Variants in CCNB3 observed in about 807,000 individuals in gnomAD.
CCNB3 encodes G2/mitotic-specific cyclin-B3.
In CCNB3, 12 loss-of-function variants were observed where a neutral mutation model predicts 68.0. That is an observed-to-expected ratio of 0.18 (90% CI 0.11 to 0.29). CCNB3 has a LOEUF of 0.29. CCNB3 is among the 10% of genes least tolerant of loss of function. The pLI is 1.00. For synonymous variants in CCNB3, 354 were observed against 388.9 expected (o/e 0.91, Z 1.06); for missense variants, 904 against 993.1 (o/e 0.91, Z 1.21).
intron 8 of CCNB3, among the ~76,000 whole-genome samples, chrX:50,332,280 C>G (rs1417240590): frequency 3.6e-5 from 4 of 111,464 alleles, no homozygotes; most frequent in Non-Finnish European, 1.9e-5. Flanking sequence ...GGGGTCATAA[C>G]ACACATCTGG....
At chrX:50,207,409 CA>C (rs1485314006) in intron 1 of CCNB3, among the ~76,000 whole-genome samples, 2 of 112,177 alleles carry the variant, frequency 1.8e-5, no homozygotes, top group African/African-American at 6.5e-5. Flanking sequence ...TTTATCTTTC[CA>C]AAAACAGGAC....
chrX:50,347,705 A>C lies in CCNB3; in HGVS notation c.3890A>C (p.Gln1297Pro), dbSNP rs1923474919. 1 of 1,211,306 alleles carries C rather than the reference A, an allele frequency of 8.3e-7. No individual in the cohort carries two copies. The highest frequency in any genetic ancestry group is 3.0e-5 in the East Asian group (1 of 33,837). Residue 1297 changes from glutamine to proline, a missense_variant, in exon 11 of 13, where the codon CAG becomes CCG. Physicochemically the swap from Gln to Pro is moderately conservative, Grantham distance 76. Transcript: ENST00000376042. ...EMTLQEYHYV[Q>P]EKASKLAAAS... ...ACCCTGCAGGAATACCACTATGTCC[A>C]GGAGAAGGCTTCCAAGCTAGCTGCT...
At chrX:50,218,986 T>C (rs933288033) in intron 1 of CCNB3, among the ~76,000 whole-genome samples, 105 of 112,042 alleles carry the variant, frequency 9.4e-4, no homozygotes, top group African/African-American at 3.3e-3. Context: ...TGAGATGGTA[T>C]CTCATTGCGG....
At chrX:50,313,757 C>A in intron 7 of CCNB3, 99 bp from the exon 8 acceptor site, 1 of 584,083 alleles carries the variant, frequency 1.7e-6, no homozygotes, top group Non-Finnish European at 2.7e-6. Context: ...CAGTTGAAAA[C>A]AAGGAGTTAG....
chrX:50,335,780 C>T (rs1179459646), intron 8 of CCNB3, among the ~76,000 whole-genome samples: 1 of 111,658 alleles, frequency 9.0e-6, no homozygotes, highest in East Asian at 2.8e-4. Flanking sequence ...ACTCCTGTTT[C>T]TGGTAAGTTT....
chrX:50,216,594 T>G (rs1935577228), intron 1 of CCNB3, among the ~76,000 whole-genome samples: 1 of 112,097 alleles, frequency 8.9e-6, no homozygotes, highest in Non-Finnish European at 1.9e-5. Context: ...AAATTCACTT[T>G]GCCAATATCT....
At chrX:50,292,866 GT>G (rs1171596509) in intron 4 of CCNB3, among the ~76,000 whole-genome samples, 2 of 111,172 alleles carry the variant, frequency 1.8e-5, no homozygotes, top group African/African-American at 6.6e-5. Context: ...CTCATCTTAT[GT>G]CTCCTTTGTC....
chrX:50,282,136 A>G lies in CCNB3; in HGVS notation c.-112-2406A>G, dbSNP rs190015200. 2.7e-5 allele frequency among the ~76,000 whole-genome samples: 3 copies of G among 111,687 alleles called. No homozygotes were observed. In the East Asian group the frequency reaches 8.4e-4, roughly 31 times the overall value. ...TAAATTGCTAACAAATTTCCAGGTG[A>G]TGCTAATGTTGCTTGTCCATTGACC... is the stretch of plus-strand genomic sequence containing the variant. On this transcript the variant is annotated intron_variant, in intron 1 of 12. Coordinates refer to ENST00000376042, the MANE Select transcript of CCNB3 (RefSeq NM_033031.3).
rs1921360317 is a variant in CCNB3 at position 50,310,391 on chromosome X, C to T, written c.2222C>T (p.Thr741Ile). ...LKEELSAEAA[T>I]NIQTQLSLKK... is the part of the protein sequence containing the mutation. ...GAGGAGCTTTCTGCTGAGGCAGCCA[C>T]AAACATACAGACACAATTATCTTTA... The change falls in exon 6 of 13, where the codon ACA (threonine) becomes ATA (isoleucine). Residue 741 changes from threonine (T) to isoleucine (I), a missense_variant. Physicochemically the swap from Thr to Ile is moderately conservative, Grantham distance 89. This residue lies in a region of CCNB3 where 619 missense variants were observed against 609.8 expected (regional missense o/e 1.02). Coordinates refer to ENST00000376042, the MANE Select transcript of CCNB3 (RefSeq NM_033031.3). 1.7e-6 allele frequency: 2 copies of T among 1,210,242 alleles called. No homozygotes were observed. Among genetic ancestry groups the T allele is most frequent in the Admixed American group, 2.2e-5 (1 of 45,849 alleles).
chrX:50,319,932 C>T (rs950050588), intron 8 of CCNB3, among the ~76,000 whole-genome samples: 15 of 110,675 alleles, frequency 1.4e-4, no homozygotes, highest in African/African-American at 4.6e-4. Context: ...ATGGGAGCAA[C>T]GTTATTTTTA....
intron 11 of CCNB3, among the ~76,000 whole-genome samples, chrX:50,350,389 C>A (rs1488966784): frequency 1.8e-5 from 2 of 111,864 alleles, no homozygotes; most frequent in Non-Finnish European, 3.8e-5. Flanking sequence ...GTTAGGGGAA[C>A]TGAAATTTGA....
chrX:50,314,422 A>G (rs1409619353), intron 8 of CCNB3, among the ~76,000 whole-genome samples: 5 of 111,619 alleles, frequency 4.5e-5, no homozygotes, highest in South Asian at 3.8e-4. Flanking sequence ...ATTATTTTAT[A>G]CTAAGATAGG....
At chrX:50,301,994 T>A (rs1426826364) in intron 5 of CCNB3, among the ~76,000 whole-genome samples, 2 of 112,627 alleles carry the variant, frequency 1.8e-5, no homozygotes, top group East Asian at 2.8e-4. Context: ...AGCGCAGTAT[T>A]AGGGTGGGAG....
chrX:50,221,012 G>A (rs923694613), intron 1 of CCNB3, among the ~76,000 whole-genome samples: 17 of 111,387 alleles, frequency 1.5e-4, no homozygotes, highest in East Asian at 2.8e-4. Flanking sequence ...GAGGGTGTAC[G>A]TGTCCAGGAA....
chrX:50,218,729 C>G (rs962259731), intron 1 of CCNB3, among the ~76,000 whole-genome samples: 4 of 112,017 alleles, frequency 3.6e-5, no homozygotes, highest in African/African-American at 6.5e-5. Flanking sequence ...GTGAATAGTG[C>G]TGCAATAAAC....
chrX:50,226,510 A>G (rs1426585046), intron 1 of CCNB3, among the ~76,000 whole-genome samples: 1 of 56,258 alleles, frequency 1.8e-5, no homozygotes, highest in South Asian at 9.7e-4. Context: ...ATATATATAT[A>G]GAATATATAG....
chrX:50,225,482 C>G (rs1332107444), intron 1 of CCNB3, among the ~76,000 whole-genome samples: 1 of 110,282 alleles, frequency 9.1e-6, no homozygotes, highest in East Asian at 2.9e-4. Flanking sequence ...GACACGATAC[C>G]ATTTTTCCTT....
chrX:50,304,170 A>G (rs1936709106), intron 5 of CCNB3, among the ~76,000 whole-genome samples: 1 of 111,361 alleles, frequency 9.0e-6, no homozygotes, highest in East Asian at 2.8e-4. Context: ...ATTTTATTCC[A>G]TTTATCTGTA....
chrX:50,311,056 C>T lies in CCNB3; in HGVS notation c.2887C>T (p.Leu963Phe). The change falls in exon 6 of 13, where the codon CTC becomes TTC. Residue 963 changes from leucine (L) to phenylalanine (F), a missense_variant. By Grantham distance (22) the Leu-to-Phe change is conservative. Transcript: ENST00000376042. ...TCCCACCTACAAGGAAGACACCTTT[C>T]TCAAAACATTGTTGGTCCCCCAAGT... ...ESPTYKEDTF[L>F]KTLLVPQVGT... 8.3e-7 allele frequency: 1 copy of T among 1,206,560 alleles called. No homozygotes were observed. The highest frequency in any genetic ancestry group is 3.0e-5 in the East Asian group (1 of 33,631).
Sources: allele counts gnomAD v4.1 joint callset (sites outside exome capture counted in the v4.1 genomes callset), GRCh38; gene constraint gnomAD v4.1.1; regional missense constraint gnomAD v4.1.1; transcripts MANE v1.5; gene names NCBI Gene and HGNC (gene_info 2026-07-23, HGNC 2026-07-21).